The following KCTD8 variants were observed in gnomAD, a reference collection of about 807,000 sequenced individuals.
KCTD8 encodes potassium channel tetramerization domain containing 8.
Under a neutral mutation model 31.5 loss-of-function variants are expected in KCTD8, and 27 were observed. The ratio of observed to expected loss-of-function variants is 0.86; its 90% CI spans 0.63 to 1.18. KCTD8 has a LOEUF of 1.18. Among genes scored for constraint, KCTD8 ranks in the 50% most tolerant of loss-of-function variants. The pLI is 0.00. For missense variants in KCTD8, 658 were observed against 647.7 expected, an observed-to-expected ratio of 1.02 and a Z score of -0.17; for synonymous variants, 290 against 280.0, an observed-to-expected ratio of 1.04 and a Z score of -0.36.
At position 44,173,997 on chromosome 4, in the gene KCTD8, C is replaced by T. The variant is rs1184422058; in HGVS notation, c.*793G>A. On this transcript the variant is annotated 3_prime_UTR_variant, in exon 2 of 2. Coordinates refer to ENST00000360029, the MANE Select transcript of KCTD8 (RefSeq NM_198353.3). ...AACATGATAATAGGATCTTTCAAAG[C>T]ATCATTATACCAATTTTCACAGCCC... 2 of 152,060 alleles carry T rather than the reference C, an allele frequency of 1.3e-5. No individual in the cohort carries two copies. Among genetic ancestry groups the T allele is most frequent in the Non-Finnish European group, 1.5e-5 (1 of 67,988 alleles). 9.4% of individuals were successfully genotyped at this position (152,060 alleles called of 1,614,324 possible). A position where few individuals can be genotyped will look rare whatever the true frequency, so the allele number is the denominator to read the frequency against.
At chr4:44,279,567 C>T (rs570735654) in intron 1 of KCTD8, among the ~76,000 whole-genome samples, 3 of 152,132 alleles carry the variant, frequency 2.0e-5, no homozygotes, top group African/African-American at 7.2e-5. Flanking sequence ...ATAGTCAATT[C>T]ATTAGTAACT....
chr4:44,375,343 T>G (rs1719892109), intron 1 of KCTD8, among the ~76,000 whole-genome samples: 1 of 151,974 alleles, frequency 6.6e-6, no homozygotes, highest in Non-Finnish European at 1.5e-5. Flanking sequence ...GAAATCAAGG[T>G]AGCCTAGGAA....
chr4:44,293,799 G>A (rs999500017), intron 1 of KCTD8: 30 of 451,792 alleles, frequency 6.6e-5, no homozygotes, highest in Admixed American at 3.4e-4. Flanking sequence ...TTGAACTTAC[G>A]TAAGATTGAG....
At chr4:44,438,591 T>A (rs1361832578) in intron 1 of KCTD8, among the ~76,000 whole-genome samples, 4 of 152,206 alleles carry the variant, frequency 2.6e-5, no homozygotes, top group African/African-American at 9.7e-5. Context: ...CAGAATAGAC[T>A]TATTTTAAAA....
intron 1 of KCTD8, among the ~76,000 whole-genome samples, chr4:44,340,740 C>T (rs1202752484): frequency 6.6e-6 from 1 of 152,060 alleles, no homozygotes; most frequent in African/African-American, 2.4e-5. Flanking sequence ...ATAGGGTGAA[C>T]ACTCAAGAGC....
At chr4:44,206,486 T>C (rs1238716477) in intron 1 of KCTD8, among the ~76,000 whole-genome samples, 1 of 152,140 alleles carries the variant, frequency 6.6e-6, no homozygotes, top group East Asian at 1.9e-4. Context: ...TGTAGGTTAT[T>C]GCCACCTCTT....
chr4:44,222,309 C>T (rs1449060963), intron 1 of KCTD8, among the ~76,000 whole-genome samples: 1 of 152,182 alleles, frequency 6.6e-6, no homozygotes, highest in Non-Finnish European at 1.5e-5. Flanking sequence ...GGAAGGAAAG[C>T]TCAATGTGGA....
Position 44,174,766 on chromosome 4 carries a change from A to C in KCTD8, c.*24T>G. 6.5e-7 allele frequency: 1 copy of C among 1,541,002 alleles called. No individual in the cohort carries two copies. On this transcript the variant is annotated 3_prime_UTR_variant, in exon 2 of 2. Coordinates refer to ENST00000360029, the MANE Select transcript of KCTD8 (RefSeq NM_198353.3). ...TGTAGTAAACATTGAATGTCATCAAAATACTGCAGGAATGTGACAATTACT... is the reference window on the plus strand; with the variant it reads ...TGTAGTAAACATTGAATGTCATCAACATACTGCAGGAATGTGACAATTACT...
At chr4:44,263,852 C>A (rs1016083811) in intron 1 of KCTD8, among the ~76,000 whole-genome samples, 2 of 152,130 alleles carry the variant, frequency 1.3e-5, no homozygotes, top group Non-Finnish European at 2.9e-5. Context: ...CTTAGAAGGA[C>A]CCTAAGGAAT....
rs555310870 is a variant in KCTD8 at position 44,281,340 on chromosome 4, G to C, written c.962-106090C>G. On this transcript the variant is annotated intron_variant, in intron 1 of 1. Transcript: ENST00000360029. The stretch of plus-strand genomic sequence containing the variant: ...TTTTAAATATGGAATGCACCTTAAT[G>C]GCTTCCATTTCATAAAGTGTACATA... Among the ~76,000 whole-genome samples the C allele has an allele frequency of 2.0e-5, 3 of 152,114 alleles. 1 individual carries two copies. Among genetic ancestry groups the C allele is most frequent in the African/African-American group, 7.2e-5 (3 of 41,528 alleles).
intron 1 of KCTD8, among the ~76,000 whole-genome samples, chr4:44,373,800 TA>T (rs1719851505): frequency 6.6e-6 from 1 of 152,138 alleles, no homozygotes; most frequent in Admixed American, 6.5e-5. Flanking sequence ...CATTCCCTTC[TA>T]AAAAGAATAA....
rs760060899 is a variant in KCTD8 at position 44,317,228 on chromosome 4, C to CTTTTTTTTTTTTTTTTTTTTT, written c.961+130314_961+130334dup. 7.4e-4 allele frequency among the ~76,000 whole-genome samples: 27 copies of CTTTTTTTTTTTTTTTTTTTTT among 36,536 alleles called. 5 individuals carry two copies. The highest frequency in any genetic ancestry group is 1.5e-3 in the Admixed American group (3 of 2,038). 24.0% of individuals were successfully genotyped at this position (36,536 alleles called of 152,430 possible). ...TTTATGTATTGCCTATGGGTGCTTTCTTTTTTTTTTTTTTTTTTTTTTGAG... is the reference window on the plus strand; with the variant it reads ...TTTATGTATTGCCTATGGGTGCTTTCTTTTTTTTTTTTTTTTTTTTTTTTTTTTTTTTTTTTTTTTTTTGAG... On this transcript the variant is annotated intron_variant, in intron 1 of 1. Transcript: ENST00000360029.
intron 1 of KCTD8, among the ~76,000 whole-genome samples, chr4:44,349,442 C>T (rs922303049): frequency 1.3e-5 from 2 of 152,126 alleles, no homozygotes; most frequent in Admixed American, 6.6e-5. Flanking sequence ...TGTCCAACAT[C>T]GGGCAGGAAT....
chr4:44,265,769 A>G (rs1269475462), intron 1 of KCTD8, among the ~76,000 whole-genome samples: 6 of 152,230 alleles, frequency 3.9e-5, no homozygotes, highest in South Asian at 2.1e-4. Flanking sequence ...GAGCCGACGC[A>G]ATCAACTGGA....
intron 1 of KCTD8, among the ~76,000 whole-genome samples, chr4:44,225,815 CTTTTTTTTTTT>C (rs35751540): frequency 1.3e-5 from 1 of 74,450 alleles, no homozygotes; most frequent in South Asian, 5.3e-4. Context: ...GGTTTTGTCT[CTTTTTTTTTTT>C]TTTTTTTTTT....
intron 1 of KCTD8, among the ~76,000 whole-genome samples, chr4:44,286,531 A>G (rs1322487249): frequency 1.3e-5 from 2 of 152,100 alleles, no homozygotes; most frequent in Non-Finnish European, 2.9e-5. Context: ...TCTCACTTAT[A>G]CAAATGCAAT....
chr4:44,433,401 G>C (rs1046739509), intron 1 of KCTD8, among the ~76,000 whole-genome samples: 1 of 151,628 alleles, frequency 6.6e-6, no homozygotes, highest in Non-Finnish European at 1.5e-5. Flanking sequence ...GAAAGGTCTG[G>C]GACATCCCAC....
chr4:44,336,232 G>T (rs1474253931), intron 1 of KCTD8, among the ~76,000 whole-genome samples: 1 of 137,934 alleles, frequency 7.2e-6, no homozygotes. Flanking sequence ...TGATTCATTA[G>T]ACTATTAAAA....
chr4:44,374,208 T>C (rs560402570), intron 1 of KCTD8, among the ~76,000 whole-genome samples: 1 of 152,292 alleles, frequency 6.6e-6, no homozygotes, highest in South Asian at 2.1e-4. Context: ...AACGCAAAAA[T>C]GCATATAGAT....
Sources: gnomAD v4.1 joint callset for allele counts (sites outside exome capture counted in the v4.1 genomes callset) on GRCh38, gnomAD v4.1.1 for gene constraint, MANE v1.5 for transcripts, NCBI Gene and HGNC (gene_info 2026-07-23, HGNC 2026-07-21) for gene names.